The following ACAN variants were observed in gnomAD, a reference collection of about 807,000 sequenced individuals.
ACAN encodes the protein aggrecan core protein.
ACAN carries 47 observed loss-of-function variants against 169.1 expected under a neutral mutation model. The ratio of observed to expected loss-of-function variants is 0.28; its 90% confidence interval spans 0.22 to 0.35. ACAN has a LOEUF of 0.35. Among genes scored for constraint, ACAN ranks in the 10% least tolerant of loss-of-function variants. The pLI, the probability that ACAN is intolerant of heterozygous loss-of-function variation, is 1.00. For synonymous variants in ACAN, 1,115 were observed against 1,112.2 expected (o/e 1.00, Z -0.05); for missense variants, 2,716 against 2,759.9 (o/e 0.98, Z 0.36).
intron 1 of ACAN, among the ~76,000 whole-genome samples, chr15:88,826,990 G>C (rs1896240460): frequency 6.6e-6 from 1 of 152,140 alleles, no homozygotes; most frequent in African/African-American, 2.4e-5. Flanking sequence ...TAACCTCTCT[G>C]AGCCATTGTC....
intron 13 of ACAN, 39 bp downstream of exon 13, chr15:88,860,478 C>T (rs371913477): frequency 8.1e-4 from 1,260 of 1,564,000 alleles, no homozygotes; most frequent in Non-Finnish European, 1.0e-3. Flanking sequence ...AGGGCGGAGG[C>T]GCTGGACAGA....
chr15:88,818,848 A>G (rs953245608), intron 1 of ACAN, among the ~76,000 whole-genome samples: 1 of 152,270 alleles, frequency 6.6e-6, no homozygotes, highest in Non-Finnish European at 1.5e-5. Flanking sequence ...TAATGGTTGC[A>G]TAACAATGTG....
In ACAN at chr15:88,858,193, G is replaced by A; in HGVS notation, c.5608G>A (p.Gly1870Arg). ...AGAGGCAGATCTGTCAGGCAAATCT[G>A]GGATGGTGGATGTCAGTGGACAGTT... ...SGEADLSGKSGMVDVSGQFSG... is the reference protein window; with the variant it reads ...SGEADLSGKSRMVDVSGQFSG... The change falls in exon 12 of 19, where the codon GGG becomes AGG. Residue 1870 changes from glycine to arginine, a missense_variant. Gly to Arg is a moderately radical substitution (Grantham distance 125, BLOSUM62 -2). This residue lies in a region of ACAN where 1,389 missense variants were observed against 1,363.7 expected (regional missense o/e 1.02). Coordinates refer to ENST00000560601, the MANE Select transcript of ACAN (RefSeq NM_001369268.1). The surrounding 1 kb of genome is among the most constrained non-coding windows in gnomAD (Gnocchi z 4.0). The A allele has an allele frequency of 6.2e-7, 1 of 1,613,966 alleles. No individual in the cohort carries two copies. The highest frequency in any genetic ancestry group is 8.5e-7 in the Non-Finnish European group (1 of 1,179,906).
chr15:88,861,952 G>A lies in ACAN; in HGVS notation c.6946+1513G>A, dbSNP rs1177364273. ...CCACGATTTCTCCCCAGATGGCTCT[G>A]TAAGCAGCTTGGTAACTACCCCCAT... On this transcript the variant is annotated intron_variant, in intron 13 of 18. Coordinates refer to ENST00000560601, the MANE Select transcript of ACAN (RefSeq NM_001369268.1). This position sits in a 1 kb window ranked among gnomAD's most constrained non-coding sequence, Gnocchi z 6.3. Among the ~76,000 whole-genome samples the A allele has an allele frequency of 2.6e-5, 4 of 152,212 alleles. No homozygotes were observed. Among genetic ancestry groups the A allele is most frequent in the Non-Finnish European group, 5.9e-5 (4 of 68,040 alleles).
chr15:88,841,668 G>A, intron 4 of ACAN, 72 bp from the exon 5 acceptor site: 1 of 1,582,252 alleles, frequency 6.3e-7, no homozygotes, highest in Non-Finnish European at 8.7e-7. Context: ...ACGGGAGGAG[G>A]ATTCAAAGGC....
intron 1 of ACAN, among the ~76,000 whole-genome samples, chr15:88,819,636 C>T (rs1567166316): frequency 6.6e-6 from 1 of 151,094 alleles, no homozygotes; most frequent in Non-Finnish European, 1.5e-5. Flanking sequence ...TGTGGTGGCT[C>T]ACACCTGTAG....
At chr15:88,841,137 T>TC (rs1389649704) in intron 4 of ACAN, among the ~76,000 whole-genome samples, 2 of 152,180 alleles carry the variant, frequency 1.3e-5, no homozygotes, top group Admixed American at 1.3e-4. Context: ...AGAGCGAGAC[T>TC]CCGTCTCAAA....
chr15:88,828,838 A>G (rs1353514672), intron 1 of ACAN, among the ~76,000 whole-genome samples: 1 of 152,206 alleles, frequency 6.6e-6, no homozygotes, highest in Non-Finnish European at 1.5e-5. Context: ...CAGCCATTTT[A>G]GTCAGGGCCA....
At chr15:88,816,744 AC>A (rs1451459345) in intron 1 of ACAN, among the ~76,000 whole-genome samples, 1 of 152,170 alleles carries the variant, frequency 6.6e-6, no homozygotes, top group Non-Finnish European at 1.5e-5. Context: ...GAGGCCTGTT[AC>A]CCAGAATGGG....
At chr15:88,848,508 C>T (rs577143684) in intron 9 of ACAN, among the ~76,000 whole-genome samples, 26 of 152,310 alleles carry the variant, frequency 1.7e-4, no homozygotes, top group African/African-American at 5.5e-4. Context: ...GAGTTGATTG[C>T]TCTAGCCCAG....
At chr15:88,824,319 C>CA (rs763174904) in intron 1 of ACAN, among the ~76,000 whole-genome samples, 262 of 122,196 alleles carry the variant, frequency 2.1e-3, no homozygotes, top group East Asian at 4.5e-3. Flanking sequence ...GACTCCGTCT[C>CA]AAAAAAAAAA....
intron 1 of ACAN, among the ~76,000 whole-genome samples, chr15:88,817,535 G>GGATTCTATATTTA (rs1463078827): frequency 6.9e-6 from 1 of 144,610 alleles, no homozygotes; most frequent in Non-Finnish European, 1.5e-5. Context: ...AGAAAATTTA[G>GGATTCTATATTTA]GAAATATAAA....
At chr15:88,822,792 C>T (rs575075182) in intron 1 of ACAN, among the ~76,000 whole-genome samples, 34 of 152,266 alleles carry the variant, frequency 2.2e-4, no homozygotes, top group African/African-American at 7.5e-4. Context: ...TCAGGGGTTG[C>T]AATTAGGGTC....
chr15:88,816,180 A>C (rs1249506201), intron 1 of ACAN, among the ~76,000 whole-genome samples: 1 of 152,216 alleles, frequency 6.6e-6, no homozygotes, highest in East Asian at 1.9e-4. Context: ...TCTTAACTTG[A>C]TTACATCTGC....
In ACAN at chr15:88,870,767, A is replaced by G. The variant is rs1897360650; in HGVS notation, c.7061-615A>G. On this transcript the variant is annotated intron_variant, in intron 14 of 18. Coordinates refer to ENST00000560601, the MANE Select transcript of ACAN (RefSeq NM_001369268.1). This position sits in a 1 kb window ranked among gnomAD's most constrained non-coding sequence, Gnocchi z 6.3. The stretch of plus-strand genomic sequence containing the variant: ...CTGGATCCCAGACCCCCAATGGGCT[A>G]TCTGACCCCTGCAAGAGGCAGGCAC... Among the ~76,000 whole-genome samples the G allele has an allele frequency of 6.6e-6, 1 of 152,144 alleles. No individual in the cohort carries two copies. Among genetic ancestry groups the G allele is most frequent in the African/African-American group, 2.4e-5 (1 of 41,430 alleles).
chr15:88,863,214 G>A (rs1200854070), intron 13 of ACAN, among the ~76,000 whole-genome samples: 1 of 152,004 alleles, frequency 6.6e-6, no homozygotes, highest in Non-Finnish European at 1.5e-5. Context: ...TTCTTGATAA[G>A]TTATTATAAG....
In ACAN at chr15:88,858,579, ACCAGGTACT is replaced by A; in HGVS notation, c.5998_6006del (p.Gly2000_Pro2002del). Reference sequence around the variant, plus strand: ...GGCTGATAGAGCCCAGCGGAGAGCCACCAGGTACTCCATATTTTAGTGGGGATTTTGCCA... The same window carrying A: ...GGCTGATAGAGCCCAGCGGAGAGCCACCATATTTTAGTGGGGATTTTGCCA... On this transcript the variant is annotated inframe_deletion, in exon 12 of 19. Coordinates refer to ENST00000560601, the MANE Select transcript of ACAN (RefSeq NM_001369268.1). This position sits in a 1 kb window ranked among gnomAD's most constrained non-coding sequence, Gnocchi z 4.0. 1 of 1,613,906 alleles carries A rather than the reference ACCAGGTACT, an allele frequency of 6.2e-7. No individual in the cohort carries two copies. Among genetic ancestry groups the A allele is most frequent in the Non-Finnish European group, 8.5e-7 (1 of 1,179,894 alleles).
At chr15:88,836,771 C>T (rs1054804070) in intron 2 of ACAN, among the ~76,000 whole-genome samples, 2 of 152,222 alleles carry the variant, frequency 1.3e-5, no homozygotes, top group African/African-American at 2.4e-5. Context: ...AGCCTGGTCT[C>T]GTGCATGTGG....
At chr15:88,837,055 T>C (rs559572381) in intron 2 of ACAN, among the ~76,000 whole-genome samples, 1 of 152,316 alleles carries the variant, frequency 6.6e-6, no homozygotes, top group East Asian at 1.9e-4. Flanking sequence ...ATGCCCAGAA[T>C]TTCCCCTCCA....
Sources: allele counts gnomAD v4.1 joint callset (sites outside exome capture counted in the v4.1 genomes callset), GRCh38; gene constraint gnomAD v4.1.1; regional missense constraint gnomAD v4.1.1; non-coding constraint Gnocchi (gnomAD v3.1); transcripts MANE v1.5; gene names NCBI Gene and HGNC (gene_info 2026-07-23, HGNC 2026-07-21).